PEX1: variants seen among roughly 807,000 people sequenced by gnomAD.
The protein encoded by PEX1 is peroxisomal ATPase PEX1.
Under a neutral mutation model 152.5 loss-of-function variants are expected in PEX1, and 97 were observed. The ratio of observed to expected loss-of-function variants is 0.64; its 90% CI spans 0.54 to 0.75. The LOEUF is 0.75. Ranked by LOEUF, PEX1 falls within the 30% of genes least tolerant of loss-of-function variation. The pLI is 0.00. For missense variants in PEX1, 1,357 were observed against 1,516.3 expected (o/e 0.89, Z 1.74); for synonymous variants, 485 against 531.6 (o/e 0.91, Z 1.21).
Position 92,496,796 on chromosome 7 carries a change from G to C in PEX1, c.2719-19C>G, listed in dbSNP as rs762582964. 1.4e-5 allele frequency: 21 copies of C among 1,519,662 alleles called. No individual in the cohort carries two copies. The East Asian group carries it at 4.7e-4, about 34-fold the overall frequency. The allele number at this position is 1,519,662 out of a possible 1,614,324, so 94.1% of individuals were successfully genotyped here. On this transcript the variant is annotated intron_variant, in intron 16 of 23. Coordinates refer to ENST00000248633, the MANE Select transcript of PEX1 (RefSeq NM_000466.3). ...CTGGCCCCTATTGGGTAAAATAAGA[G>C]TTGAGATAAAATTATTTAAAAAGAA...
At chr7:92,500,389 G>C (rs1791869867) in intron 15 of PEX1, among the ~76,000 whole-genome samples, 1 of 152,172 alleles carries the variant, frequency 6.6e-6, no homozygotes, top group African/African-American at 2.4e-5. Flanking sequence ...TATTAGGTAT[G>C]CCTATTTAGT....
chr7:92,525,218 C>A (rs527533980), intron 1 of PEX1, among the ~76,000 whole-genome samples: 4 of 152,296 alleles, frequency 2.6e-5, no homozygotes, highest in Non-Finnish European at 5.9e-5. Flanking sequence ...TAGAAAGGAG[C>A]GTCTTTTCCA....
chr7:92,516,065 G>GAGAAGAGAA (rs1562864924), intron 5 of PEX1, among the ~76,000 whole-genome samples: 146 of 60,622 alleles, frequency 2.4e-3, no homozygotes, highest in East Asian at 6.3e-3. Context: ...AAAAAGAAAA[G>GAGAAGAGAA]AAAAGAAAAG....
Position 92,494,621 on chromosome 7 carries a change from G to A in PEX1, c.2792C>T (p.Ala931Val), listed in dbSNP as rs144825021. Residue 931 changes from alanine (A) to valine (V), a missense_variant, in exon 18 of 24, where the codon GCT (alanine) becomes GTT (valine). By Grantham distance (64) the Ala-to-Val change is moderately conservative. Transcript: ENST00000248633. ...AVRDIFIRAQ[A>V]AKPCILFFDE... ...AAAGAAAAGAATGCAGGGCTTTGCA[G>A]CCTGTGCTCTGGGAAAAACAAACAA... is the stretch of plus-strand genomic sequence containing the variant. 1 of 1,613,836 alleles carries A rather than the reference G, an allele frequency of 6.2e-7. No individual in the cohort carries two copies. Among genetic ancestry groups the A allele is most frequent in the Non-Finnish European group, 8.5e-7 (1 of 1,179,894 alleles).
At chr7:92,511,784 C>G (rs1792481326) in intron 6 of PEX1, 81 bp from the exon 7 acceptor site, 1 of 1,317,362 alleles carries the variant, frequency 7.6e-7, no homozygotes, top group Non-Finnish European at 1.1e-6. Context: ...TCTGATCTTC[C>G]TAATAAAGTG....
chr7:92,498,064 C>CAG (rs1392568035), intron 16 of PEX1, among the ~76,000 whole-genome samples: 1 of 95,650 alleles, frequency 1.0e-5, no homozygotes, highest in African/African-American at 4.4e-5. Context: ...GACTCAGTCT[C>CAG]AGAGAAAAAA....
In PEX1 at chr7:92,527,174, C is replaced by T. The variant is rs528881628; in HGVS notation, c.129+1133G>A. Among the ~76,000 whole-genome samples, 3 of 152,274 alleles carry T rather than the reference C, an allele frequency of 2.0e-5. No homozygotes were observed. In the South Asian group the frequency reaches 6.2e-4, roughly 32 times the overall value. On this transcript the variant is annotated intron_variant, in intron 1 of 23. Coordinates refer to ENST00000248633, the MANE Select transcript of PEX1 (RefSeq NM_000466.3). ...TCAAAATTTAAAACAAAGATCAAGA[C>T]CACTAAATTCTTAAACAGTGATGAA...
At chr7:92,519,392 A>C (rs1391924307) in intron 2 of PEX1, among the ~76,000 whole-genome samples, 1 of 152,150 alleles carries the variant, frequency 6.6e-6, no homozygotes, top group Non-Finnish European at 1.5e-5. Flanking sequence ...ACCTGGCTAT[A>C]TGTGTAGTCT....
chr7:92,524,507 T>C (rs570355694), intron 1 of PEX1, among the ~76,000 whole-genome samples: 1 of 152,274 alleles, frequency 6.6e-6, no homozygotes, highest in Admixed American at 6.5e-5. Flanking sequence ...CCTCAGGTGA[T>C]CTGCCTGCCT....
At chr7:92,488,527 G>C (rs1334954775) in intron 23 of PEX1, among the ~76,000 whole-genome samples, 4 of 152,040 alleles carry the variant, frequency 2.6e-5, no homozygotes, top group Non-Finnish European at 5.9e-5. Flanking sequence ...CAATTGCAAG[G>C]ATCCTTTAAA....
At chr7:92,503,804 T>G (rs2116159773) in intron 12 of PEX1, among the ~76,000 whole-genome samples, 1 of 152,182 alleles carries the variant, frequency 6.6e-6, no homozygotes, top group Admixed American at 6.5e-5. Flanking sequence ...ATTTCAAAAT[T>G]TGAGATTAAC....
At chr7:92,490,022 G>T in intron 21 of PEX1, 111 bp from the exon 22 acceptor site, 1 of 856,566 alleles carries the variant, frequency 1.2e-6, no homozygotes, top group East Asian at 2.6e-5. Flanking sequence ...CATTAACATA[G>T]ATAAGTATAC....
intron 5 of PEX1, among the ~76,000 whole-genome samples, chr7:92,515,705 G>T (rs1792705777): frequency 1.3e-5 from 2 of 152,124 alleles, no homozygotes; most frequent in African/African-American, 4.8e-5. Flanking sequence ...AGAAAATAAT[G>T]ATCTGAGGCC....
rs372796096 is a variant in PEX1 at position 92,491,367 on chromosome 7, C to T, written c.3343G>A (p.Glu1115Lys). ...AATTTTGATTCATCTGGAAGGATCT[C>T]GGACATCTCTAAAGAAACAAGGGAC... The part of the protein sequence containing the change: ...DQSLVSLEMS[E>K]ILPDESKFNM... Residue 1115 changes from glutamate (E) to lysine (K), a missense_variant, in exon 21 of 24, where the codon GAG becomes AAG. Coordinates refer to ENST00000248633, the MANE Select transcript of PEX1 (RefSeq NM_000466.3). 52 of 1,613,746 alleles carry T rather than the reference C, an allele frequency of 3.2e-5. No individual in the cohort carries two copies. In the Admixed American group the frequency reaches 4.8e-4, roughly 15 times the overall value.
Position 92,512,651 on chromosome 7 carries a change from C to T in PEX1, c.1360-948G>A, listed in dbSNP as rs545342699. Among the ~76,000 whole-genome samples, 19 of 150,500 alleles carry T rather than the reference C, an allele frequency of 1.3e-4. No homozygotes were observed. In the South Asian group the frequency reaches 2.8e-3, roughly 22 times the overall value. On this transcript the variant is annotated intron_variant, in intron 6 of 23. Coordinates refer to ENST00000248633, the MANE Select transcript of PEX1 (RefSeq NM_000466.3). ...AGATTACAGGATTAGCACCACGCCC[C>T]GATAATTTTGGTATTTTTAGTAGAG...
chr7:92,525,753 G>A (rs887667686), intron 1 of PEX1, among the ~76,000 whole-genome samples: 1 of 152,160 alleles, frequency 6.6e-6, no homozygotes, highest in Non-Finnish European at 1.5e-5. Flanking sequence ...AGTCAGTCCT[G>A]AAATAATGAC....
chr7:92,505,824 T>C (rs1289518463), intron 11 of PEX1, among the ~76,000 whole-genome samples: 1 of 152,228 alleles, frequency 6.6e-6, no homozygotes, highest in Non-Finnish European at 1.5e-5. Flanking sequence ...TGTTAAGGAC[T>C]TTAAAAGTAC....
chr7:92,528,402 C>T lies in PEX1; in HGVS notation c.34G>A (p.Gly12Arg), dbSNP rs1793402720. 1.3e-6 allele frequency: 2 copies of T among 1,596,372 alleles called. No homozygotes were observed. Among genetic ancestry groups the T allele is most frequent in the Non-Finnish European group, 1.7e-6 (2 of 1,172,928 alleles). ...GCCACAGTCACTGCCGCCCCGCCTCCCCCAGCACCCGCCAGGCGATCGCTG... is the reference window on the plus strand; with the variant it reads ...GCCACAGTCACTGCCGCCCCGCCTCTCCCAGCACCCGCCAGGCGATCGCTG... ...WGSDRLAGAGGGGAAVTVAFT... is the reference protein window; with the variant it reads ...WGSDRLAGAGRGGAAVTVAFT... Residue 12 changes from glycine to arginine, a missense_variant, in exon 1 of 24, where the codon GGA becomes AGA. By Grantham distance (125) the Gly-to-Arg change is moderately radical (BLOSUM62 -2). Transcript: ENST00000248633.
Position 92,504,722 on chromosome 7 carries a change from A to G in PEX1, c.2071+10T>C. The G allele has an allele frequency of 6.2e-7, 1 of 1,613,432 alleles. No individual in the cohort carries two copies. The highest frequency in any genetic ancestry group is 8.5e-7 in the Non-Finnish European group (1 of 1,179,618). Reference sequence around the variant, plus strand: ...GAACAAGACCTTAAGCCAGTGGTGGATGCATTTACCATGAGCAAGCCGCTG... The same window carrying G: ...GAACAAGACCTTAAGCCAGTGGTGGGTGCATTTACCATGAGCAAGCCGCTG... On this transcript the variant is annotated intron_variant, in intron 12 of 23. Transcript: ENST00000248633.
Sources: allele counts gnomAD v4.1 joint callset (sites outside exome capture counted in the v4.1 genomes callset), GRCh38; gene constraint gnomAD v4.1.1; transcripts MANE v1.5; gene names NCBI Gene and HGNC (gene_info 2026-07-23, HGNC 2026-07-21).